PCDHGA4: variants seen among roughly 807,000 people sequenced by gnomAD.
PCDHGA4 encodes protocadherin gamma-A4.
A neutral mutation model predicts 54.6 loss-of-function variants in PCDHGA4; 38 were observed. The observed-to-expected ratio is 0.70, with a 90% confidence interval of 0.54 to 0.91. The LOEUF (loss-of-function observed/expected upper bound fraction) is 0.91. Among genes scored for constraint, PCDHGA4 ranks in the 40% least tolerant of loss-of-function variants. The probability of loss-of-function intolerance (pLI) is 0.00; values close to 1 mark genes in which losing one functional copy is unlikely to be tolerated. For synonymous variants in PCDHGA4, 511 were observed against 512.9 expected (o/e 1.00, Z 0.05); for missense variants, 1,298 against 1,220.9 (o/e 1.06, Z -0.94).
At chr5:141,394,596 G>A (rs1485546922) in intron 1 of PCDHGA4, 2 of 1,613,702 alleles carry the variant, frequency 1.2e-6, no homozygotes, top group Non-Finnish European at 1.7e-6. Flanking sequence ...GGTGGCGGTG[G>A]ACAGAGACTC....
Position 141,486,487 on chromosome 5 carries a change from C to G in PCDHGA4, c.2515-8320C>G. The G allele has an allele frequency of 6.2e-7, 1 of 1,614,086 alleles. No homozygotes were observed. The highest frequency in any genetic ancestry group is 1.1e-5 in the South Asian group (1 of 91,074). ...CTGGGAACCCTCCTCTCAGTACCCA[C>G]AGAACTATTTTCCTCAATATTTCAG... On this transcript the variant is annotated intron_variant, in intron 1 of 3. Coordinates refer to ENST00000571252, the MANE Select transcript of PCDHGA4 (RefSeq NM_018917.4). This position sits in a 1 kb window ranked among gnomAD's most constrained non-coding sequence, Gnocchi z 5.0.
chr5:141,395,157 C>T (rs1217678334), intron 1 of PCDHGA4: 4 of 1,614,174 alleles, frequency 2.5e-6, no homozygotes, highest in Admixed American at 1.7e-5. Context: ...GCTCATCAGT[C>T]AGGAGGGCTG....
Position 141,476,852 on chromosome 5 carries a change from C to T in PCDHGA4, c.2515-17955C>T. 6.2e-7 allele frequency: 1 copy of T among 1,613,828 alleles called. No homozygotes were observed. Among genetic ancestry groups the T allele is most frequent in the Non-Finnish European group, 8.5e-7 (1 of 1,180,044 alleles). ...GAATGACAATGCGCCTGTCTTCAAC[C>T]AGTCCTTGTACCGGGCGCGCGTCCT... On this transcript the variant is annotated intron_variant, in intron 1 of 3. Coordinates refer to ENST00000571252, the MANE Select transcript of PCDHGA4 (RefSeq NM_018917.4). This position sits in a 1 kb window ranked among gnomAD's most constrained non-coding sequence, Gnocchi z 7.6.
intron 1 of PCDHGA4, among the ~76,000 whole-genome samples, chr5:141,492,685 C>T (rs919981996): frequency 1.3e-5 from 2 of 152,242 alleles, no homozygotes; most frequent in African/African-American, 2.4e-5. Context: ...CAAGGGTCGG[C>T]GACCCCTCAA....
At chr5:141,409,429 C>T (rs767514268) in intron 1 of PCDHGA4, 3 of 1,613,872 alleles carry the variant, frequency 1.9e-6, no homozygotes, top group African/African-American at 1.3e-5. Flanking sequence ...CAGATGGAGC[C>T]CTGGACCGAG....
At chr5:141,401,239 G>A (rs1024455506) in intron 1 of PCDHGA4, among the ~76,000 whole-genome samples, 6 of 152,154 alleles carry the variant, frequency 3.9e-5, no homozygotes, top group Admixed American at 6.5e-5. Flanking sequence ...CTACTCAGGA[G>A]GCTAAGACAG....
Position 141,423,884 on chromosome 5 carries a change from T to C in PCDHGA4, c.2514+66263T>C, listed in dbSNP as rs1253750785. On this transcript the variant is annotated intron_variant, in intron 1 of 3. Transcript: ENST00000571252. ...TGAAAGTCATTTTTCAATCTTGGCA[T>C]ATTTTCTTTTGATTTCAAAGGGGCC... The C allele has an allele frequency of 6.2e-6, 8 of 1,282,566 alleles. No individual in the cohort carries two copies. In the African/African-American group the frequency reaches 1.2e-4, roughly 20 times the overall value. 79.4% of individuals were successfully genotyped at this position (1,282,566 alleles called of 1,614,324 possible). A position where few individuals can be genotyped will look rare whatever the true frequency, so the allele number is the denominator to read the frequency against.
intron 1 of PCDHGA4, chr5:141,393,111 C>T (rs762190466): frequency 1.2e-6 from 2 of 1,613,380 alleles, no homozygotes; most frequent in African/African-American, 2.7e-5. Context: ...CGCTCAGAGC[C>T]CGCGGTGTCT....
At chr5:141,366,220 A>C in intron 1 of PCDHGA4, 1 of 1,613,804 alleles carries the variant, frequency 6.2e-7, no homozygotes, top group Non-Finnish European at 8.5e-7. Context: ...GCACAGCGCG[A>C]GCCCTGCTGG....
chr5:141,371,937 T>C, intron 1 of PCDHGA4: 1 of 1,613,290 alleles, frequency 6.2e-7, no homozygotes. Flanking sequence ...CGGGGTGGTG[T>C]TCGCGCAGCG....
At position 141,477,401 on chromosome 5, in the gene PCDHGA4, G is replaced by T. The variant is rs781253466; in HGVS notation, c.2515-17406G>T. On this transcript the variant is annotated intron_variant, in intron 1 of 3. Coordinates refer to ENST00000571252, the MANE Select transcript of PCDHGA4 (RefSeq NM_018917.4). The surrounding 1 kb of genome is among the most constrained non-coding windows in gnomAD (Gnocchi z 4.9). ...GCCAGAATACAACCTCAGCATCACC[G>T]CCCGAGACGCCGGAACCCCTTCCCT... 8 of 1,613,960 alleles carry T rather than the reference G, an allele frequency of 5.0e-6. No homozygotes were observed. The highest frequency in any genetic ancestry group is 4.5e-5 in the East Asian group (2 of 44,890).
intron 1 of PCDHGA4, among the ~76,000 whole-genome samples, chr5:141,449,588 C>CA (rs768743917): frequency 0.036 from 2,064 of 56,756 alleles, 20 homozygotes; most frequent in Middle Eastern, 0.06. Context: ...GACTCTGTCT[C>CA]AAAAAAAAAA....
intron 1 of PCDHGA4, chr5:141,399,856 G>T: frequency 6.2e-7 from 1 of 1,612,894 alleles, no homozygotes; most frequent in South Asian, 1.1e-5. Context: ...GGTGCCGCGC[G>T]CTGCAGAGCC....
At chr5:141,371,573 A>G in intron 1 of PCDHGA4, 1 of 1,613,948 alleles carries the variant, frequency 6.2e-7, no homozygotes, top group Non-Finnish European at 8.5e-7. Flanking sequence ...TCCCCTTTAA[A>G]ATCGTTCAAG....
chr5:141,359,079 T>A (rs1279133095), intron 1 of PCDHGA4, among the ~76,000 whole-genome samples: 1 of 151,956 alleles, frequency 6.6e-6, no homozygotes, highest in Non-Finnish European at 1.5e-5. Flanking sequence ...CAAAGGAGAG[T>A]TTTAGTTTCT....
chr5:141,450,702 G>T (rs1466981422), intron 1 of PCDHGA4, among the ~76,000 whole-genome samples: 6 of 152,026 alleles, frequency 3.9e-5, no homozygotes, highest in South Asian at 2.1e-4. Flanking sequence ...GCCCAGGATG[G>T]TCTCCAACTC....
intron 2 of PCDHGA4, among the ~76,000 whole-genome samples, chr5:141,500,779 T>C (rs1222392685): frequency 1.3e-5 from 2 of 152,238 alleles, no homozygotes; most frequent in Non-Finnish European, 2.9e-5. Context: ...TGAATATACA[T>C]ATTATTTTAC....
At chr5:141,446,169 C>A (rs920519501) in intron 1 of PCDHGA4, among the ~76,000 whole-genome samples, 1 of 152,014 alleles carries the variant, frequency 6.6e-6, no homozygotes, top group African/African-American at 2.4e-5. Flanking sequence ...TTCATGAGGG[C>A]AGGGGGTGTT....
chr5:141,466,646 T>C (rs954003023), intron 1 of PCDHGA4, among the ~76,000 whole-genome samples: 11 of 152,210 alleles, frequency 7.2e-5, no homozygotes, highest in African/African-American at 2.4e-4. Context: ...CATAAACTTT[T>C]CACAAAACAT....
Sources: allele counts gnomAD v4.1 joint callset (sites outside exome capture counted in the v4.1 genomes callset), GRCh38; gene constraint gnomAD v4.1.1; non-coding constraint Gnocchi (gnomAD v3.1); transcripts MANE v1.5; gene names NCBI Gene and HGNC (gene_info 2026-07-23, HGNC 2026-07-21).